Variants in FHIT observed in about 807,000 individuals in gnomAD.
The protein encoded by FHIT is fragile histidine triad diadenosine triphosphatase.
FHIT carries 19 observed loss-of-function variants against 17.9 expected under a neutral mutation model. The ratio of observed to expected loss-of-function variants is 1.06; its 90% CI spans 0.74 to 1.56. FHIT has a LOEUF of 1.56. Ranked by LOEUF, FHIT falls within the 40% of genes most tolerant of loss-of-function variation. FHIT has a pLI of 0.00. For missense variants in FHIT, 248 were observed against 189.2 expected, an observed-to-expected ratio of 1.31 and a Z score of -1.82; for synonymous variants, 81 against 69.7, an observed-to-expected ratio of 1.16 and a Z score of -0.81.
intron 5 of FHIT, among the ~76,000 whole-genome samples, chr3:60,492,576 G>A (rs1242963852): frequency 4.1e-5 from 6 of 148,104 alleles, no homozygotes; most frequent in African/African-American, 1.0e-4. Context: ...GTGTGATCTC[G>A]GCTCACTGCA....
chr3:60,679,256 A>G (rs1048707022), intron 4 of FHIT, among the ~76,000 whole-genome samples: 2 of 152,202 alleles, frequency 1.3e-5, no homozygotes, highest in Non-Finnish European at 2.9e-5. Flanking sequence ...GTCCAACTGG[A>G]CAAAACAACT....
chr3:59,955,058 A>C (rs1433063784), intron 7 of FHIT, among the ~76,000 whole-genome samples: 1 of 152,230 alleles, frequency 6.6e-6, no homozygotes, highest in Non-Finnish European at 1.5e-5. Flanking sequence ...CTGTGTGGCT[A>C]GGTTCCCATT....
At chr3:60,241,118 T>A (rs1450845222) in intron 5 of FHIT, among the ~76,000 whole-genome samples, 3 of 152,150 alleles carry the variant, frequency 2.0e-5, no homozygotes, top group East Asian at 1.9e-4. Context: ...GAATGGGGAA[T>A]CACTTCACTG....
intron 5 of FHIT, among the ~76,000 whole-genome samples, chr3:60,226,055 C>T (rs959101310): frequency 1.3e-5 from 2 of 152,100 alleles, no homozygotes; most frequent in African/African-American, 4.8e-5. Context: ...GACAGCCCCA[C>T]AGGGAGAGAA....
chr3:60,349,493 C>A (rs1240726785), intron 5 of FHIT, among the ~76,000 whole-genome samples: 1 of 152,106 alleles, frequency 6.6e-6, no homozygotes, highest in Admixed American at 6.6e-5. Flanking sequence ...AATAATCAGA[C>A]CAATCCCTAC....
intron 3 of FHIT, among the ~76,000 whole-genome samples, chr3:60,863,697 T>C (rs1347586168): frequency 4.6e-5 from 7 of 152,168 alleles, no homozygotes; most frequent in Non-Finnish European, 7.3e-5. Context: ...AGTAGTGAAA[T>C]AGGTATTATC....
intron 4 of FHIT, among the ~76,000 whole-genome samples, chr3:60,807,818 A>G (rs1175608577): frequency 2.0e-5 from 3 of 151,516 alleles, no homozygotes; most frequent in Admixed American, 6.6e-5. Context: ...AGACAAATGA[A>G]ACAACTACAG....
intron 5 of FHIT, among the ~76,000 whole-genome samples, chr3:60,174,750 C>T (rs946609489): frequency 6.6e-6 from 1 of 151,794 alleles, no homozygotes; most frequent in African/African-American, 2.4e-5. Flanking sequence ...ACAATTATGT[C>T]TATCTAGTTC....
At chr3:60,613,975 A>T (rs1553674725) in intron 4 of FHIT, among the ~76,000 whole-genome samples, 1 of 152,126 alleles carries the variant, frequency 6.6e-6, no homozygotes, top group Non-Finnish European at 1.5e-5. Context: ...ACACTGTCAA[A>T]ATAAGCTTGG....
intron 3 of FHIT, among the ~76,000 whole-genome samples, chr3:60,977,946 G>A (rs562988315): frequency 6.6e-6 from 1 of 152,260 alleles, no homozygotes; most frequent in South Asian, 2.1e-4. Flanking sequence ...GCATGATGCT[G>A]GCACAGAAAA....
intron 5 of FHIT, among the ~76,000 whole-genome samples, chr3:60,256,562 G>A (rs894794627): frequency 1.2e-4 from 18 of 152,166 alleles, no homozygotes; most frequent in African/African-American, 3.6e-4. Context: ...GAGAGGACAG[G>A]TAACTTGCCT....
chr3:61,157,244 T>C (rs1163284476), intron 2 of FHIT, among the ~76,000 whole-genome samples: 1 of 152,046 alleles, frequency 6.6e-6, no homozygotes, highest in Non-Finnish European at 1.5e-5. Context: ...ATGGGTCAAG[T>C]AGATTATTTT....
At chr3:59,758,821 C>T (rs140643096) in intron 8 of FHIT, among the ~76,000 whole-genome samples, 2 of 151,850 alleles carry the variant, frequency 1.3e-5, no homozygotes, top group African/African-American at 2.4e-5. Flanking sequence ...GAGAAATGGC[C>T]CCTGGGGAAG....
chr3:60,720,001 T>C (rs1193211905), intron 4 of FHIT, among the ~76,000 whole-genome samples: 3 of 152,184 alleles, frequency 2.0e-5, no homozygotes, highest in African/African-American at 7.2e-5. Context: ...AAAGCAAATG[T>C]GATCAGAGCT....
At chr3:60,941,866 C>T (rs1355313956) in intron 3 of FHIT, among the ~76,000 whole-genome samples, 1 of 152,186 alleles carries the variant, frequency 6.6e-6, no homozygotes, top group Admixed American at 6.5e-5. Flanking sequence ...GAGATCAAAG[C>T]TTAAATATCA....
chr3:60,026,810 T>C (rs1700757833), intron 5 of FHIT, among the ~76,000 whole-genome samples: 1 of 152,076 alleles, frequency 6.6e-6, no homozygotes, highest in Admixed American at 6.6e-5. Flanking sequence ...TTTAAATTAG[T>C]AGATCTGGCC....
At chr3:60,576,457 T>A (rs981628551) in intron 4 of FHIT, among the ~76,000 whole-genome samples, 1 of 152,062 alleles carries the variant, frequency 6.6e-6, no homozygotes, top group Non-Finnish European at 1.5e-5. Flanking sequence ...TAGGATTCAA[T>A]AACACGTAAT....
intron 7 of FHIT, among the ~76,000 whole-genome samples, chr3:59,959,970 A>G (rs1707589185): frequency 1.3e-5 from 2 of 152,174 alleles, no homozygotes; most frequent in South Asian, 2.1e-4. Context: ...AAGGGAATAT[A>G]AAGTATTCAA....
chr3:60,875,870 A>G (rs782076497), intron 3 of FHIT, among the ~76,000 whole-genome samples: 17 of 150,948 alleles, frequency 1.1e-4, no homozygotes, highest in Non-Finnish European at 2.2e-4. Flanking sequence ...CCCCATTCTA[A>G]ATAAGTATGA....
Sources: allele counts gnomAD v4.1 joint callset (sites outside exome capture counted in the v4.1 genomes callset), GRCh38; gene constraint gnomAD v4.1.1; transcripts MANE v1.5; gene names NCBI Gene and HGNC (gene_info 2026-07-23, HGNC 2026-07-21).